Variants in PTPRJ observed in about 807,000 individuals in gnomAD.
PTPRJ encodes protein tyrosine phosphatase receptor type J.
PTPRJ carries 129 observed loss-of-function variants against 141.3 expected under a neutral mutation model. The observed-to-expected ratio is 0.91, with a 90% CI of 0.79 to 1.06. The LOEUF is 1.06. Ranked by LOEUF, PTPRJ falls within the 50% of genes least tolerant of loss-of-function variation. The probability of loss-of-function intolerance (pLI) is 0.00; values close to 1 mark genes in which losing one functional copy is unlikely to be tolerated. For missense variants in PTPRJ, 1,601 were observed against 1,679.7 expected, an observed-to-expected ratio of 0.95 and a Z score of 0.82; for synonymous variants, 610 against 640.5, an observed-to-expected ratio of 0.95 and a Z score of 0.72.
intron 19 of PTPRJ, among the ~76,000 whole-genome samples, chr11:48,155,018 G>C (rs1857568741): frequency 6.6e-6 from 1 of 152,148 alleles, no homozygotes; most frequent in African/African-American, 2.4e-5. Flanking sequence ...TACAATCAGA[G>C]ACGGGGAAAC....
chr11:48,055,990 T>C (rs1854743128), intron 1 of PTPRJ, among the ~76,000 whole-genome samples: 1 of 152,358 alleles, frequency 6.6e-6, no homozygotes, highest in Middle Eastern at 3.4e-3. Flanking sequence ...AGCTGAATGT[T>C]GACTTTTGTG....
intron 14 of PTPRJ, among the ~76,000 whole-genome samples, chr11:48,146,443 CA>C (rs1857351878): frequency 1.3e-5 from 2 of 152,318 alleles, no homozygotes; most frequent in South Asian, 4.1e-4. Context: ...GGAGTCCCCA[CA>C]TCCTTCCCCG....
chr11:47,984,249 G>T (rs1371962429), intron 1 of PTPRJ, among the ~76,000 whole-genome samples: 1 of 152,134 alleles, frequency 6.6e-6, no homozygotes, highest in Non-Finnish European at 1.5e-5. Context: ...GGGTTATTTA[G>T]CTCCTAAAAG....
At chr11:48,111,101 A>G (rs1271287091) in intron 2 of PTPRJ, among the ~76,000 whole-genome samples, 1 of 151,860 alleles carries the variant, frequency 6.6e-6, no homozygotes, top group East Asian at 1.9e-4. Context: ...ACATGGTGAA[A>G]CACCATCTGT....
At chr11:48,161,917 A>G (rs905861242) in intron 22 of PTPRJ, among the ~76,000 whole-genome samples, 2 of 152,088 alleles carry the variant, frequency 1.3e-5, no homozygotes, top group Non-Finnish European at 2.9e-5. Flanking sequence ...CCGGCCTGTC[A>G]TGCTTATTTC....
intron 3 of PTPRJ, among the ~76,000 whole-genome samples, chr11:48,119,524 G>A (rs955026559): frequency 6.6e-5 from 10 of 152,080 alleles, no homozygotes; most frequent in Admixed American, 2.6e-4. Context: ...TCAGCTTCCC[G>A]AGTAGCTGGG....
At chr11:47,990,771 C>T (rs1424426032) in intron 1 of PTPRJ, among the ~76,000 whole-genome samples, 2 of 150,780 alleles carry the variant, frequency 1.3e-5, no homozygotes, top group East Asian at 1.9e-4. Context: ...CTGCAAGCTC[C>T]ACCTCCCGGG....
chr11:48,167,199 A>T lies in PTPRJ; in HGVS notation c.3856-5A>T, dbSNP rs1401739134. 1.9e-6 allele frequency: 3 copies of T among 1,606,068 alleles called. No individual in the cohort carries two copies. Among genetic ancestry groups the T allele is most frequent in the Non-Finnish European group, 2.6e-6 (3 of 1,175,782 alleles). ...TTCTGTCTCTCTCTTTCGTTTTTCT[A>T]TCAGGACCAGTATGTTTTCCTCAAT... On this transcript the variant is annotated splice_polypyrimidine_tract_variant and splice_region_variant and intron_variant, in intron 24 of 24. Coordinates refer to ENST00000418331, the MANE Select transcript of PTPRJ (RefSeq NM_002843.4).
intron 1 of PTPRJ, among the ~76,000 whole-genome samples, chr11:48,090,436 A>C (rs966680380): frequency 2.6e-5 from 4 of 152,194 alleles, no homozygotes; most frequent in African/African-American, 9.6e-5. Context: ...TGTCTCCTGA[A>C]GCCACCCCTA....
At chr11:48,100,325 C>T in intron 1 of PTPRJ, among the ~76,000 whole-genome samples, 1 of 152,114 alleles carries the variant, frequency 6.6e-6, no homozygotes, top group Admixed American at 6.6e-5. Context: ...AGTGAGGCAG[C>T]TCACCTCTCC....
chr11:48,153,655 G>A, intron 18 of PTPRJ, 141 bp from the exon 19 acceptor site: 4 of 611,816 alleles, frequency 6.5e-6, no homozygotes, highest in Non-Finnish European at 1.2e-5. Flanking sequence ...GGCTTTAATA[G>A]CAGAAGGGTA....
At chr11:48,097,052 C>T (rs4752893) in intron 1 of PTPRJ, among the ~76,000 whole-genome samples, 101,634 of 151,972 alleles carry the variant, frequency 0.67, 35,618 homozygotes, top group East Asian at 0.81. Flanking sequence ...CCCATTCAGC[C>T]AGACCCCCTG....
chr11:48,152,839 A>G (rs551979275), intron 18 of PTPRJ, among the ~76,000 whole-genome samples: 15 of 152,118 alleles, frequency 9.9e-5, no homozygotes, highest in Non-Finnish European at 1.8e-4. Flanking sequence ...GCCTTGTAGT[A>G]TAGTTTGACG....
intron 8 of PTPRJ, chr11:48,132,231 T>C (rs1428816933): frequency 1.0e-6 from 1 of 985,294 alleles, no homozygotes; most frequent in Non-Finnish European, 1.2e-6. Flanking sequence ...GAAGGCTAAT[T>C]GAAATTGATA....
chr11:48,151,890 A>C (rs1222907942), intron 18 of PTPRJ, among the ~76,000 whole-genome samples: 1 of 152,214 alleles, frequency 6.6e-6, no homozygotes, highest in Non-Finnish European at 1.5e-5. Flanking sequence ...TATTGTGAAT[A>C]GTGCTGCAAT....
At chr11:48,066,161 CA>C (rs768744415) in intron 1 of PTPRJ, among the ~76,000 whole-genome samples, 5 of 151,432 alleles carry the variant, frequency 3.3e-5, no homozygotes, top group Admixed American at 1.3e-4. Context: ...AAAGCAATAA[CA>C]AAAAAAACCA....
intron 1 of PTPRJ, among the ~76,000 whole-genome samples, chr11:48,101,364 C>G (rs989993598): frequency 1.3e-5 from 2 of 152,028 alleles, no homozygotes; most frequent in Non-Finnish European, 2.9e-5. Context: ...GTGGGGTGGT[C>G]GTTTGACTGT....
At chr11:48,047,596 C>T (rs1276343513) in intron 1 of PTPRJ, among the ~76,000 whole-genome samples, 9 of 151,626 alleles carry the variant, frequency 5.9e-5, no homozygotes, top group African/African-American at 9.7e-5. Context: ...CTCTGCCTCC[C>T]GGTTCAAGCG....
chr11:48,060,546 C>T (rs1256499632), intron 1 of PTPRJ, among the ~76,000 whole-genome samples: 3 of 152,138 alleles, frequency 2.0e-5, no homozygotes, highest in East Asian at 1.9e-4. Context: ...TTGAAGAAGT[C>T]GGAAGCCAGT....
Sources: allele counts gnomAD v4.1 joint callset (sites outside exome capture counted in the v4.1 genomes callset), GRCh38; gene constraint gnomAD v4.1.1; transcripts MANE v1.5; gene names NCBI Gene and HGNC (gene_info 2026-07-23, HGNC 2026-07-21).